CYFIP1: variants seen among roughly 807,000 people sequenced by gnomAD.
CYFIP1 encodes the protein cytoplasmic FMR1-interacting protein 1.
Under a neutral mutation model 163.5 loss-of-function variants are expected in CYFIP1, and 58 were observed. That is an observed-to-expected ratio of 0.35 (90% CI 0.29 to 0.44). The LOEUF is 0.44. Among genes scored for constraint, CYFIP1 ranks in the 20% least tolerant of loss-of-function variants. The pLI is 1.00. For synonymous variants in CYFIP1, 663 were observed against 660.7 expected (o/e 1.00, Z -0.05); for missense variants, 1,338 against 1,653.8 (o/e 0.81, Z 3.31).
At chr15:22,979,295 GCCTGGCCGGGAC>G (rs1020256987) in intron 1 of CYFIP1, among the ~76,000 whole-genome samples, 25 of 152,278 alleles carry the variant, frequency 1.6e-4, no homozygotes, top group Admixed American at 3.9e-4. Context: ...GCGGGTCCCG[GCCTGGCCGGGAC>G]TCTGCCGCCA....
At chr15:22,945,151 G>C (rs2062017254) in intron 3 of CYFIP1, among the ~76,000 whole-genome samples, 1 of 152,172 alleles carries the variant, frequency 6.6e-6, no homozygotes, top group East Asian at 1.9e-4. Flanking sequence ...CTGCAGGCGA[G>C]AGGGGTGTCA....
intron 18 of CYFIP1, among the ~76,000 whole-genome samples, chr15:22,911,944 T>A (rs2060800159): frequency 6.6e-6 from 1 of 152,088 alleles, no homozygotes; most frequent in African/African-American, 2.4e-5. Context: ...ATCATGCTCA[T>A]AACCAAAAAT....
At position 22,917,943 on chromosome 15, in the gene CYFIP1, C is replaced by T. The variant is rs759624468; in HGVS notation, c.1527-8G>A. 22 of 1,611,448 alleles carry T rather than the reference C, an allele frequency of 1.4e-5. No individual in the cohort carries two copies. The highest frequency in any genetic ancestry group is 1.9e-5 in the Non-Finnish European group (22 of 1,178,942). ...CTGATGGCCTGCAGGACACTGAACA[C>T]CCCACCAAGTGATCAGCAAGGCCCA... is the stretch of plus-strand genomic sequence containing the variant. On this transcript the variant is annotated splice_polypyrimidine_tract_variant and splice_region_variant and intron_variant, in intron 14 of 30. Transcript: ENST00000617928. This position sits in a 1 kb window ranked among gnomAD's most constrained non-coding sequence, Gnocchi z 4.2.
At chr15:22,923,882 GCAATAAGCCA>G (rs1233761247) in intron 13 of CYFIP1, among the ~76,000 whole-genome samples, 6 of 128,636 alleles carry the variant, frequency 4.7e-5, no homozygotes, top group Non-Finnish European at 9.2e-5. Flanking sequence ...GATTGAGGCT[GCAATAAGCCA>G]TAATCCTGCC....
At chr15:22,911,340 AAGAG>A in intron 18 of CYFIP1, among the ~76,000 whole-genome samples, 1 of 152,126 alleles carries the variant, frequency 6.6e-6, no homozygotes, top group Non-Finnish European at 1.5e-5. Context: ...TCTGAAATGC[AAGAG>A]AGAATCAACA....
chr15:22,901,470 C>T (rs530840512), intron 22 of CYFIP1, among the ~76,000 whole-genome samples: 5 of 152,326 alleles, frequency 3.3e-5, no homozygotes, highest in Admixed American at 6.5e-5. Context: ...GGACAGTTGC[C>T]GCCTTGGGCT....
chr15:22,922,852 T>C (rs1350889921), intron 13 of CYFIP1, among the ~76,000 whole-genome samples: 15 of 151,846 alleles, frequency 9.9e-5, no homozygotes, highest in African/African-American at 3.1e-4. Context: ...ATTAGCTGGG[T>C]GTGGTGGCGC....
At chr15:22,932,745 T>C (rs903159308) in intron 10 of CYFIP1, among the ~76,000 whole-genome samples, 1 of 152,198 alleles carries the variant, frequency 6.6e-6, no homozygotes. Context: ...TGAGGATCTT[T>C]ATAGTTCTTC....
rs2142109407 is a variant in CYFIP1, at chr15:22,917,574, CAT to C, written c.1674+212_1674+213del. 1.6e-6 allele frequency: 1 copy of C among 622,246 alleles called. No individual in the cohort carries two copies. Among genetic ancestry groups the C allele is most frequent in the Non-Finnish European group, 2.6e-6 (1 of 378,160 alleles). 38.5% of individuals were successfully genotyped at this position (622,246 alleles called of 1,614,324 possible). Reference sequence around the variant, plus strand: ...TGGAGTCAGACTCCTTTTTAGTGCACATGACACATCTGACAATCAAGGCACGT... The same window carrying C: ...TGGAGTCAGACTCCTTTTTAGTGCACGACACATCTGACAATCAAGGCACGT... On this transcript the variant is annotated intron_variant, in intron 15 of 30. Transcript: ENST00000617928. This position sits in a 1 kb window ranked among gnomAD's most constrained non-coding sequence, Gnocchi z 4.2.
intron 1 of CYFIP1, among the ~76,000 whole-genome samples, chr15:22,964,029 T>C (rs922003938): frequency 2.6e-5 from 4 of 152,158 alleles, no homozygotes; most frequent in African/African-American, 9.7e-5. Context: ...CATGTTTTTA[T>C]ATAAATTAAG....
chr15:22,891,187 G>T (rs11630138), intron 23 of CYFIP1, among the ~76,000 whole-genome samples: 58,306 of 151,982 alleles, frequency 0.38, 13,309 homozygotes, highest in Admixed American at 0.55. Flanking sequence ...CACTTTGGGA[G>T]GCCGATGCGG....
At chr15:22,959,719 G>A (rs1259195804) in intron 1 of CYFIP1, among the ~76,000 whole-genome samples, 4 of 152,170 alleles carry the variant, frequency 2.6e-5, no homozygotes, top group Non-Finnish European at 5.9e-5. Flanking sequence ...CCAACAGACC[G>A]TGTATCTGCT....
chr15:22,954,462 G>C (rs1311405601), intron 1 of CYFIP1, among the ~76,000 whole-genome samples: 1 of 152,190 alleles, frequency 6.6e-6, no homozygotes, highest in Non-Finnish European at 1.5e-5. Flanking sequence ...AATAATACGT[G>C]CTCCATGCAG....
intron 1 of CYFIP1, among the ~76,000 whole-genome samples, chr15:22,976,519 T>C (rs554408326): frequency 6.6e-6 from 1 of 152,328 alleles, no homozygotes; most frequent in South Asian, 2.1e-4. Context: ...AGTTTCATTA[T>C]CTGCAATTTC....
At chr15:22,932,081 CA>C in intron 11 of CYFIP1, 141 bp downstream of exon 11, 1 of 619,004 alleles carries the variant, frequency 1.6e-6, no homozygotes, top group South Asian at 2.0e-5. Context: ...ACACATTTGT[CA>C]GAACCTGTCC....
chr15:22,972,131 C>G (rs921334763), intron 1 of CYFIP1, among the ~76,000 whole-genome samples: 8 of 152,126 alleles, frequency 5.3e-5, no homozygotes, highest in African/African-American at 1.9e-4. Flanking sequence ...ATCACACTAC[C>G]TGACTTCAGA....
chr15:22,935,732 C>T (rs2061691295), intron 9 of CYFIP1, among the ~76,000 whole-genome samples: 2 of 152,058 alleles, frequency 1.3e-5, no homozygotes, highest in South Asian at 4.1e-4. Flanking sequence ...TGGTTAATAA[C>T]AATGCATTGA....
chr15:22,870,658 T>C (rs924366808), intron 30 of CYFIP1, among the ~76,000 whole-genome samples: 3 of 152,152 alleles, frequency 2.0e-5, no homozygotes, highest in Non-Finnish European at 2.9e-5. Context: ...TGAATATATT[T>C]TGAATTTAGA....
chr15:22,927,006 C>T (rs1463532205), intron 12 of CYFIP1, among the ~76,000 whole-genome samples: 2 of 152,048 alleles, frequency 1.3e-5, no homozygotes, highest in Non-Finnish European at 1.5e-5. Context: ...TGCATCAATA[C>T]AAGTAAATAT....
Sources: allele counts gnomAD v4.1 joint callset (sites outside exome capture counted in the v4.1 genomes callset), GRCh38; gene constraint gnomAD v4.1.1; non-coding constraint Gnocchi (gnomAD v3.1); transcripts MANE v1.5; gene names NCBI Gene and HGNC (gene_info 2026-07-23, HGNC 2026-07-21).